Variants in AGMO observed in about 807,000 individuals in gnomAD.
AGMO encodes alkylglycerol monooxygenase, also known as glyceryl-ether monooxygenase.
AGMO carries 75 observed loss-of-function variants against 60.2 expected under a neutral mutation model. The observed-to-expected ratio is 1.25, with a 90% CI of 1.03 to 1.51. The LOEUF (loss-of-function observed/expected upper bound fraction) is 1.51, where lower values mean the gene tolerates loss of function less well. AGMO is among the 40% of genes most tolerant of loss of function. AGMO has a pLI of 0.00. For synonymous variants in AGMO, 261 were observed against 177.1 expected (o/e 1.47, Z -3.76); for missense variants, 763 against 525.5 (o/e 1.45, Z -4.42).
chr7:15,494,991 A>T (rs1157579366), intron 3 of AGMO, among the ~76,000 whole-genome samples: 1 of 152,250 alleles, frequency 6.6e-6, no homozygotes, highest in East Asian at 1.9e-4. Flanking sequence ...ATTGTAAATA[A>T]ATACTGATGA....
chr7:15,167,015 T>C, the AGMO span, among the ~76,000 whole-genome samples: 1 of 152,152 alleles, frequency 6.6e-6, no homozygotes, highest in African/African-American at 2.4e-5. Flanking sequence ...CTATTTTTAT[T>C]TTTTCCCACA....
the AGMO span, among the ~76,000 whole-genome samples, chr7:15,135,223 AG>A: frequency 6.6e-6 from 1 of 151,728 alleles, no homozygotes; most frequent in African/African-American, 2.4e-5. Flanking sequence ...GTGTGCCTAT[AG>A]TTTTTTCTAC....
intron 10 of AGMO, among the ~76,000 whole-genome samples, chr7:15,373,602 C>G (rs532992252): frequency 6.6e-6 from 1 of 152,256 alleles, no homozygotes; most frequent in South Asian, 2.1e-4. Context: ...GGGGTCAATA[C>G]AACCTCCTCT....
intron 3 of AGMO, among the ~76,000 whole-genome samples, chr7:15,441,824 A>G (rs1781565848): frequency 6.6e-6 from 1 of 152,206 alleles, no homozygotes; most frequent in African/African-American, 2.4e-5. Context: ...AGGAAAATAG[A>G]GAAAAAAAGA....
At chr7:15,245,829 A>G (rs1175610110) in intron 12 of AGMO, among the ~76,000 whole-genome samples, 1 of 152,162 alleles carries the variant, frequency 6.6e-6, no homozygotes, top group Non-Finnish European at 1.5e-5. Flanking sequence ...TACAGAAACC[A>G]AAGATTAAAG....
At chr7:15,247,011 G>T (rs1171025784) in intron 12 of AGMO, among the ~76,000 whole-genome samples, 1 of 151,894 alleles carries the variant, frequency 6.6e-6, no homozygotes, top group Non-Finnish European at 1.5e-5. Flanking sequence ...TCAACCTATT[G>T]TCCAGGCTGG....
At chr7:15,539,387 C>A (rs1399345378) in intron 3 of AGMO, among the ~76,000 whole-genome samples, 1 of 152,174 alleles carries the variant, frequency 6.6e-6, no homozygotes, top group Non-Finnish European at 1.5e-5. Context: ...AAAGTGAGAA[C>A]ATGTGGTATG....
At chr7:15,167,793 T>C in the AGMO span, among the ~76,000 whole-genome samples, 2 of 152,332 alleles carry the variant, frequency 1.3e-5, no homozygotes, top group East Asian at 3.9e-4. Context: ...TTCCAAATCC[T>C]GCACTTTTGG....
the AGMO span, among the ~76,000 whole-genome samples, chr7:15,151,134 T>C: frequency 6.6e-6 from 1 of 152,066 alleles, no homozygotes; most frequent in East Asian, 1.9e-4. Context: ...CTCTAAGTTT[T>C]GTTTGTTTGT....
intron 12 of AGMO, among the ~76,000 whole-genome samples, chr7:15,321,820 T>C (rs776426782): frequency 1.3e-5 from 2 of 152,082 alleles, no homozygotes; most frequent in Non-Finnish European, 2.9e-5. Flanking sequence ...TTATTCCCCA[T>C]AGGCTAGTAA....
At chr7:15,274,711 A>G (rs1454554691) in intron 12 of AGMO, among the ~76,000 whole-genome samples, 1 of 146,064 alleles carries the variant, frequency 6.8e-6, no homozygotes, top group Non-Finnish European at 1.5e-5. Context: ...TTTTTTTGGT[A>G]GATTTTTTCA....
intron 7 of AGMO, 27 bp from the exon 8 acceptor site, chr7:15,390,777 A>T (rs775596803): frequency 1.9e-6 from 3 of 1,597,446 alleles, no homozygotes; most frequent in Non-Finnish European, 2.6e-6. Flanking sequence ...AAGATATGAG[A>T]TTTGGCTTCC....
chr7:15,316,402 G>T (rs1181857230), intron 12 of AGMO, among the ~76,000 whole-genome samples: 1 of 152,112 alleles, frequency 6.6e-6, no homozygotes, highest in African/African-American at 2.4e-5. Flanking sequence ...CAGAAAACTG[G>T]GGGCCCACTT....
At chr7:15,385,151 T>G (rs1783862865) in intron 10 of AGMO, among the ~76,000 whole-genome samples, 1 of 152,178 alleles carries the variant, frequency 6.6e-6, no homozygotes, top group Admixed American at 6.5e-5. Context: ...TCTGAAGTAT[T>G]TTTATTGTAA....
At chr7:15,224,098 G>A (rs951963327) in intron 12 of AGMO, among the ~76,000 whole-genome samples, 1 of 151,932 alleles carries the variant, frequency 6.6e-6, no homozygotes, top group African/African-American at 2.4e-5. Flanking sequence ...GAAGAAGTCA[G>A]AGAGCATCTC....
At chr7:15,447,037 C>T (rs1290343998) in intron 3 of AGMO, among the ~76,000 whole-genome samples, 5 of 152,152 alleles carry the variant, frequency 3.3e-5, no homozygotes, top group African/African-American at 9.7e-5. Flanking sequence ...AGGCACCAAA[C>T]GATGAGATGA....
At chr7:15,456,953 C>T (rs915065104) in intron 3 of AGMO, among the ~76,000 whole-genome samples, 2 of 152,054 alleles carry the variant, frequency 1.3e-5, no homozygotes, top group African/African-American at 4.8e-5. Flanking sequence ...TTTCAAGAGG[C>T]TTCAGAAGAA....
chr7:15,255,534 C>CAAAAAAAAAAAAAAA (rs60035165), intron 12 of AGMO, among the ~76,000 whole-genome samples: 17 of 115,378 alleles, frequency 1.5e-4, no homozygotes, highest in South Asian at 2.7e-4. Flanking sequence ...TGTAAGAATA[C>CAAAAAAAAAAAAAAA]AAAAAAAAAA....
chr7:15,282,288 G>T (rs1287459690), intron 12 of AGMO, among the ~76,000 whole-genome samples: 1 of 151,686 alleles, frequency 6.6e-6, no homozygotes, highest in African/African-American at 2.4e-5. Flanking sequence ...TACTCAAGGA[G>T]ATATCAAGAA....
Sources: gnomAD v4.1 joint callset for allele counts (sites outside exome capture counted in the v4.1 genomes callset) on GRCh38, gnomAD v4.1.1 for gene constraint, MANE v1.5 for transcripts, NCBI Gene and HGNC (gene_info 2026-07-23, HGNC 2026-07-21) for gene names.